The following CFAP299 variants were observed in gnomAD, a reference collection of about 807,000 sequenced individuals.
The protein encoded by CFAP299 is cilia and flagella associated protein 299.
Under a neutral mutation model 27.0 loss-of-function variants are expected in CFAP299, and 21 were observed. That is an observed-to-expected ratio of 0.78 (90% CI 0.55 to 1.12). CFAP299 has a LOEUF of 1.12. Among genes scored for constraint, CFAP299 ranks in the 50% most tolerant of loss-of-function variants. The pLI is 0.00. For missense variants in CFAP299, 310 were observed against 276.6 expected (o/e 1.12, Z -0.86); for synonymous variants, 104 against 98.1 (o/e 1.06, Z -0.36).
chr4:80,342,597 T>A (rs182709530), intron 1 of CFAP299, among the ~76,000 whole-genome samples: 49 of 152,262 alleles, frequency 3.2e-4, no homozygotes, highest in African/African-American at 1.1e-3. Context: ...AGAAATAAGA[T>A]CCTTTTCAGA....
At chr4:80,824,793 G>T (rs1729895126) in intron 3 of CFAP299, among the ~76,000 whole-genome samples, 1 of 151,968 alleles carries the variant, frequency 6.6e-6, no homozygotes, top group African/African-American at 2.4e-5. Flanking sequence ...AAACCCCTGG[G>T]AAAGAGAGAA....
chr4:80,558,366 GT>G (rs1027029926), intron 2 of CFAP299, among the ~76,000 whole-genome samples: 1 of 129,818 alleles, frequency 7.7e-6, no homozygotes, highest in African/African-American at 3.1e-5. Flanking sequence ...TTGTTTGTTT[GT>G]TTTTTTTTTG....
intron 3 of CFAP299, among the ~76,000 whole-genome samples, chr4:80,770,915 C>G (rs976770114): frequency 1.3e-5 from 2 of 152,144 alleles, no homozygotes; most frequent in Non-Finnish European, 2.9e-5. Flanking sequence ...TCTTTCTGAC[C>G]GCAAGCATTC....
chr4:80,848,392 A>G (rs1031502265), intron 3 of CFAP299, among the ~76,000 whole-genome samples: 1 of 152,138 alleles, frequency 6.6e-6, no homozygotes, highest in African/African-American at 2.4e-5. Flanking sequence ...TACTCGCACA[A>G]ACCTAGACGC....
chr4:80,420,674 C>T (rs1425012937), intron 2 of CFAP299, among the ~76,000 whole-genome samples: 2 of 152,098 alleles, frequency 1.3e-5, no homozygotes, highest in Non-Finnish European at 2.9e-5. Flanking sequence ...TATCCCTTAT[C>T]AGATGTATGG....
chr4:80,465,643 C>G (rs1457429339), intron 2 of CFAP299, among the ~76,000 whole-genome samples: 4 of 152,114 alleles, frequency 2.6e-5, no homozygotes, highest in Admixed American at 2.6e-4. Flanking sequence ...TCCCAAACCC[C>G]TATGTACCCC....
intron 3 of CFAP299, among the ~76,000 whole-genome samples, chr4:80,628,414 T>A (rs1029081579): frequency 6.6e-6 from 1 of 152,082 alleles, no homozygotes; most frequent in Admixed American, 6.6e-5. Context: ...CTATGACATT[T>A]ATCTGGGCAA....
At chr4:80,855,247 C>T (rs1731779158) in intron 3 of CFAP299, among the ~76,000 whole-genome samples, 1 of 152,124 alleles carries the variant, frequency 6.6e-6, no homozygotes, top group South Asian at 2.1e-4. Flanking sequence ...GGGTGTGTTT[C>T]TGAAGTTAGT....
At chr4:80,774,274 C>A (rs973483703) in intron 3 of CFAP299, among the ~76,000 whole-genome samples, 1 of 151,724 alleles carries the variant, frequency 6.6e-6, no homozygotes, top group Non-Finnish European at 1.5e-5. Context: ...CCTGAAGTCA[C>A]CAAAACTTTG....
At chr4:80,911,494 G>C (rs1735470720) in intron 4 of CFAP299, among the ~76,000 whole-genome samples, 1 of 152,032 alleles carries the variant, frequency 6.6e-6, no homozygotes, top group African/African-American at 2.4e-5. Context: ...CTTGGAACCA[G>C]GTATCCACTC....
chr4:80,364,774 C>T (rs1251819759), intron 2 of CFAP299, among the ~76,000 whole-genome samples: 3 of 152,150 alleles, frequency 2.0e-5, no homozygotes, highest in African/African-American at 7.2e-5. Flanking sequence ...CTTTGACAGG[C>T]TCACTGTGTG....
chr4:80,696,463 A>C (rs915817444), intron 3 of CFAP299, among the ~76,000 whole-genome samples: 8 of 152,308 alleles, frequency 5.3e-5, no homozygotes, highest in Non-Finnish European at 8.8e-5. Flanking sequence ...TAAAAGTGAT[A>C]GATGGCAATC....
chr4:80,450,889 G>GTA (rs1728868291), intron 2 of CFAP299, among the ~76,000 whole-genome samples: 1 of 15,786 alleles, frequency 6.3e-5, no homozygotes, highest in Non-Finnish European at 2.3e-4. Flanking sequence ...GATTAATACC[G>GTA]TGTGTGTGTG....
intron 3 of CFAP299, among the ~76,000 whole-genome samples, chr4:80,863,201 C>CTTTTT (rs71664821): frequency 7.5e-6 from 1 of 133,584 alleles, no homozygotes; most frequent in East Asian, 2.2e-4. Flanking sequence ...GCTTAGCATG[C>CTTTTT]TTTTTTTTTT....
intron 2 of CFAP299, among the ~76,000 whole-genome samples, chr4:80,393,104 G>T (rs899029901): frequency 6.6e-6 from 1 of 151,984 alleles, no homozygotes; most frequent in South Asian, 2.1e-4. Context: ...TGAGCATAAT[G>T]TTTATGTCTT....
At chr4:80,651,704 T>TGTGTGTG (rs1553944668) in intron 3 of CFAP299, among the ~76,000 whole-genome samples, 1 of 139,552 alleles carries the variant, frequency 7.2e-6, no homozygotes, top group African/African-American at 2.6e-5. Flanking sequence ...AGGTATGCAC[T>TGTGTGTG]TGTGTGTGTG....
chr4:80,411,222 G>C (rs936026897), intron 2 of CFAP299, among the ~76,000 whole-genome samples: 15 of 152,134 alleles, frequency 9.9e-5, no homozygotes, highest in African/African-American at 3.6e-4. Context: ...AGCCATGAGT[G>C]ACATAGGATA....
chr4:80,324,300 G>A, the CFAP299 span, among the ~76,000 whole-genome samples: 7 of 152,260 alleles, frequency 4.6e-5, no homozygotes, highest in South Asian at 2.1e-4. Context: ...ATGAAAGAAC[G>A]TGGGAGTATA....
intron 2 of CFAP299, among the ~76,000 whole-genome samples, chr4:80,417,739 C>T (rs936509540): frequency 6.6e-6 from 1 of 152,034 alleles, no homozygotes; most frequent in Admixed American, 6.6e-5. Context: ...TTGTAATGCC[C>T]CACTATTCTA....
Sources: gnomAD v4.1 joint callset for allele counts (sites outside exome capture counted in the v4.1 genomes callset) on GRCh38, gnomAD v4.1.1 for gene constraint, MANE v1.5 for transcripts, NCBI Gene and HGNC (gene_info 2026-07-23, HGNC 2026-07-21) for gene names.